The following TOR2A variants were observed in gnomAD, a reference collection of about 807,000 sequenced individuals.
The protein encoded by TOR2A is prosalusin.
TOR2A carries 24 observed loss-of-function variants against 28.6 expected under a neutral mutation model. The observed-to-expected ratio is 0.84, with a 90% confidence interval of 0.61 to 1.18. TOR2A has a LOEUF of 1.18. Ranked by LOEUF, TOR2A falls within the 50% of genes most tolerant of loss-of-function variation. The probability of loss-of-function intolerance (pLI) is 0.00; values close to 1 mark genes in which losing one functional copy is unlikely to be tolerated. For missense variants in TOR2A, 426 were observed against 448.1 expected (o/e 0.95, Z 0.45); for synonymous variants, 203 against 203.1 (o/e 1.00, Z 0.00).
intron 4 of TOR2A, 36 bp from the exon 5 acceptor site, chr9:127,732,314 T>C (rs1200849370): frequency 1.3e-6 from 2 of 1,535,214 alleles, no homozygotes; most frequent in East Asian, 2.3e-5. Context: ...GACTTTGTGC[T>C]TCACAAGAGG....
intron 2 of TOR2A, 100 bp downstream of exon 2, chr9:127,734,199 T>TGTG (rs1844587426): frequency 7.0e-7 from 1 of 1,431,654 alleles, no homozygotes; most frequent in Non-Finnish European, 9.3e-7. Context: ...TGCAGCCGTG[T>TGTG]GTGGCCTGGA....
rs1018484048 is a variant in TOR2A, at chr9:127,731,653, T to C, written c.*381A>G. On this transcript the variant is annotated 3_prime_UTR_variant, in exon 5 of 5. Coordinates refer to ENST00000373284, the MANE Select transcript of TOR2A (RefSeq NM_001085347.3). The stretch of plus-strand genomic sequence containing the variant: ...TGAGAAGGCTCCACCTGGCTTGATA[T>C]GGACACAGGGTGTGGGGTGGAGGGG... 1.1e-6 allele frequency: 1 copy of C among 932,348 alleles called. No homozygotes were observed. Among genetic ancestry groups the C allele is most frequent in the Non-Finnish European group, 1.5e-6 (1 of 655,914 alleles). 57.8% of individuals were successfully genotyped at this position (932,348 alleles called of 1,614,324 possible).
rs549793943 is a variant in TOR2A at position 127,732,177 on chromosome 9, C to A, written c.823G>T (p.Glu275Ter). 3 of 1,613,374 alleles carry A rather than the reference C, an allele frequency of 1.9e-6. No homozygotes were observed. Among genetic ancestry groups the A allele is most frequent in the Admixed American group, 1.7e-5 (1 of 60,024 alleles). The change falls in exon 5 of 5, where the codon GAG becomes TAG. Residue 275 changes from glutamate to a stop codon, truncating the protein, a stop_gained. Coordinates refer to ENST00000373284, the MANE Select transcript of TOR2A (RefSeq NM_001085347.3). LOFTEE classifies it high-confidence loss of function. ...RHHVRHCVLN[E>*]LAQLGLEPRD... is the part of the protein sequence containing the mutation. ...GGCTCCAGGCCCAGCTGGGCCAGCT[C>A]GTTGAGCACGCAGTGCCGGACGTGG...
At chr9:127,733,692 G>A in intron 2 of TOR2A, 132 bp from the exon 3 acceptor site, 1 of 788,874 alleles carries the variant, frequency 1.3e-6, no homozygotes, top group Non-Finnish European at 2.0e-6. Context: ...CTCTTAGTGA[G>A]ACTGATGGTG....
chr9:127,734,225 G>C (rs892236122), intron 2 of TOR2A, 74 bp downstream of exon 2: 3 of 1,493,918 alleles, frequency 2.0e-6, no homozygotes, highest in Admixed American at 2.3e-5. Context: ...TGACTCCCCT[G>C]TCTGGGCTCA....
At chr9:127,732,471 C>A in intron 4 of TOR2A, 93 bp downstream of exon 4, 1 of 1,462,346 alleles carries the variant, frequency 6.8e-7, no homozygotes, top group Non-Finnish European at 9.0e-7. Flanking sequence ...TCAGAACTGC[C>A]GGGTCAGTGG....
At chr9:127,735,028 T>C (rs1407428797) in intron 1 of TOR2A, 92 bp downstream of exon 1, 7 of 1,348,996 alleles carry the variant, frequency 5.2e-6, no homozygotes, top group Non-Finnish European at 6.6e-6. Flanking sequence ...TCAGCTTCTC[T>C]GGCCGGCGCC....
rs113389278 is a variant in TOR2A, at chr9:127,733,309, G to A, written c.593+76C>T. ...CATGGGGAACTGGATTCTGCTGGGA[G>A]CACAGGCTAAGGCTGTAGAGCTGAA... On this transcript the variant is annotated intron_variant, in intron 3 of 4. Coordinates refer to ENST00000373284, the MANE Select transcript of TOR2A (RefSeq NM_001085347.3). The A allele has an allele frequency of 1.8e-4, 298 of 1,613,394 alleles. No individual in the cohort carries two copies. In the African/African-American group the frequency reaches 3.4e-3, roughly 18 times the overall value.
chr9:127,734,474 G>A lies in TOR2A; in HGVS notation c.242C>T (p.Pro81Leu). The A allele has an allele frequency of 6.2e-7, 1 of 1,604,130 alleles. No homozygotes were observed. The highest frequency in any genetic ancestry group is 8.5e-7 in the Non-Finnish European group (1 of 1,175,672). ...GAGGACCAGCGGCTTGGTGGGGGCT[G>A]GGTCCCGCACAAAGGCCTTCAGCGC... The part of the protein sequence containing the change: ...VKALKAFVRD[P>L]APTKPLVLSL... Residue 81 changes from proline (P) to leucine (L), a missense_variant, in exon 2 of 5, where the codon CCA becomes CTA. Transcript: ENST00000373284.
rs1361515794 is a variant in TOR2A, at chr9:127,732,701, T to TG, written c.594-11dup. On this transcript the variant is annotated splice_polypyrimidine_tract_variant and intron_variant, in intron 3 of 4. Coordinates refer to ENST00000373284, the MANE Select transcript of TOR2A (RefSeq NM_001085347.3). ...CTTGCCACCCGTGTTGCTAAAACCA[T>TG]GGGGGACCCAGGCTGAGACTCAGAT... 2 of 1,559,474 alleles carry TG rather than the reference T, an allele frequency of 1.3e-6. No individual in the cohort carries two copies. The highest frequency in any genetic ancestry group is 1.7e-6 in the Non-Finnish European group (2 of 1,152,092).
rs929123123 is a variant in TOR2A, at chr9:127,731,852, G to A, written c.*182C>T. ...GTGACCAGGGGTTTCCCTGGGGAAG[G>A]TGGCCGGGGCCAAGATGCTCTCGAG... On this transcript the variant is annotated 3_prime_UTR_variant, in exon 5 of 5. Transcript: ENST00000373284. 1 of 1,308,616 alleles carries A rather than the reference G, an allele frequency of 7.6e-7. No individual in the cohort carries two copies. Among genetic ancestry groups the A allele is most frequent in the African/African-American group, 1.5e-5 (1 of 67,158 alleles). 81.1% of individuals were successfully genotyped at this position (1,308,616 alleles called of 1,614,324 possible). A position where few individuals can be genotyped will look rare whatever the true frequency, so the allele number is the denominator to read the frequency against.
intron 4 of TOR2A, 27 bp from the exon 5 acceptor site, chr9:127,732,305 AC>A: frequency 1.3e-6 from 2 of 1,545,126 alleles, no homozygotes; most frequent in Non-Finnish European, 1.7e-6. Flanking sequence ...TGGGGAGGGG[AC>A]TTTGTGCTTC....
intron 3 of TOR2A, chr9:127,733,132 C>T: frequency 6.5e-7 from 1 of 1,528,252 alleles, no homozygotes; most frequent in South Asian, 1.3e-5. Context: ...AGAGGGAAAA[C>T]TTCTTGACCT....
At position 127,732,136 on chromosome 9, in the gene TOR2A, G is replaced by A. The variant is rs770828027; in HGVS notation, c.864C>T (p.Val288=). 2 of 1,613,664 alleles carry A rather than the reference G, an allele frequency of 1.2e-6. No individual in the cohort carries two copies. The highest frequency in any genetic ancestry group is 1.7e-6 in the Non-Finnish European group (2 of 1,180,006). Reference sequence around the variant, plus strand: ...AGGTGGTGCTGTCCAGCACAGCCTGGACAACCTCATCCCTTGGCTCCAGGC... The same window carrying A: ...AGGTGGTGCTGTCCAGCACAGCCTGAACAACCTCATCCCTTGGCTCCAGGC... ...QLGLEPRDEV[V]QAVLDSTTFF... is the part of the protein sequence containing the mutation. The change falls in exon 5 of 5, where the codon GTC becomes GTT. Residue 288 remains valine (V), a synonymous_variant. Transcript: ENST00000373284.
At chr9:127,734,265 G>A in intron 2 of TOR2A, 34 bp downstream of exon 2, 1 of 1,538,098 alleles carries the variant, frequency 6.5e-7, no homozygotes, top group East Asian at 2.3e-5. Flanking sequence ...GCACCCCATG[G>A]TGAGAACAGT....
chr9:127,731,592 C>T lies in TOR2A; in HGVS notation c.*442G>A. The T allele has an allele frequency of 7.5e-7, 1 of 1,325,346 alleles. No homozygotes were observed. 82.1% of individuals were successfully genotyped at this position (1,325,346 alleles called of 1,614,324 possible). A position where few individuals can be genotyped will look rare whatever the true frequency, so the allele number is the denominator to read the frequency against. Reference sequence around the variant, plus strand: ...AAATTAAAAACATCTAAAACCAGGCCCAAGTGGCAGCTTGAGTCCCTCCAT... The same window carrying T: ...AAATTAAAAACATCTAAAACCAGGCTCAAGTGGCAGCTTGAGTCCCTCCAT... On this transcript the variant is annotated 3_prime_UTR_variant, in exon 5 of 5. Coordinates refer to ENST00000373284, the MANE Select transcript of TOR2A (RefSeq NM_001085347.3).
Position 127,731,756 on chromosome 9 carries a change from T to C in TOR2A, c.*278A>G, listed in dbSNP as rs1844430445. 2 of 691,532 alleles carry C rather than the reference T, an allele frequency of 2.9e-6. No homozygotes were observed. The highest frequency in any genetic ancestry group is 4.5e-6 in the Non-Finnish European group (2 of 445,738). 42.8% of individuals were successfully genotyped at this position (691,532 alleles called of 1,614,324 possible). Reference sequence around the variant, plus strand: ...GAGGGAGCACCGCCACGAGCCACAGTCCCTGAGTTATAATTCACAGTAAGA... The same window carrying C: ...GAGGGAGCACCGCCACGAGCCACAGCCCCTGAGTTATAATTCACAGTAAGA... On this transcript the variant is annotated 3_prime_UTR_variant, in exon 5 of 5. Coordinates refer to ENST00000373284, the MANE Select transcript of TOR2A (RefSeq NM_001085347.3).
chr9:127,732,829 C>T, intron 3 of TOR2A, 138 bp from the exon 4 acceptor site: 2 of 1,445,672 alleles, frequency 1.4e-6, no homozygotes, highest in Non-Finnish European at 1.8e-6. Flanking sequence ...GAAAACGCTC[C>T]ACTTCCCCCT....
At chr9:127,732,320 A>G (rs1047953608) in intron 4 of TOR2A, 42 bp from the exon 5 acceptor site, 1 of 1,528,604 alleles carries the variant, frequency 6.5e-7, no homozygotes, top group Non-Finnish European at 8.8e-7. Flanking sequence ...GTGCTTCACA[A>G]GAGGGGAGAA....
Sources: gnomAD v4.1 joint callset for allele counts on GRCh38, gnomAD v4.1.1 for gene constraint, MANE v1.5 for transcripts, NCBI Gene and HGNC (gene_info 2026-07-23, HGNC 2026-07-21) for gene names.